Variants in FSIP2 observed in about 807,000 individuals in gnomAD.
The protein encoded by FSIP2 is fibrous sheath interacting protein 2, also known as fibrous sheath-interacting protein 2.
Under a neutral mutation model 510.5 loss-of-function variants are expected in FSIP2, and 367 were observed. That is an observed-to-expected ratio of 0.72 (90% CI 0.66 to 0.78). The LOEUF is 0.78. FSIP2 is among the 30% of genes least tolerant of loss of function. The pLI, the probability that FSIP2 is intolerant of heterozygous loss-of-function variation, is 0.00. For synonymous variants in FSIP2, 2,601 were observed against 2,732.2 expected (o/e 0.95, Z 1.50); for missense variants, 7,594 against 7,901.7 (o/e 0.96, Z 1.48).
chr2:185,754,174 T>C (rs1692199386), intron 8 of FSIP2, among the ~76,000 whole-genome samples: 1 of 151,154 alleles, frequency 6.6e-6, no homozygotes, highest in Admixed American at 6.6e-5. Context: ...TTCTATTATG[T>C]TGACAACCAG....
chr2:185,789,142 G>A lies in FSIP2; in HGVS notation c.2006G>A (p.Ser669Asn). ...KSKDATTETD[S>N]LGSSLHCDKT... is the part of the protein sequence containing the mutation. ...AAGGATGCTACCACTGAAACAGATA[G>A]CTTAGGGAGTTCATTGCATTGTGAT... is the stretch of plus-strand genomic sequence containing the variant. Residue 669 changes from serine (S) to asparagine (N), a missense_variant, in exon 16 of 23, where the codon AGC becomes AAC. By Grantham distance (46) the Ser-to-Asn change is conservative (BLOSUM62 1). Coordinates refer to ENST00000424728, the MANE Select transcript of FSIP2 (RefSeq NM_173651.4). 6.5e-7 allele frequency: 1 copy of A among 1,535,072 alleles called. No individual in the cohort carries two copies. Among genetic ancestry groups the A allele is most frequent in the Non-Finnish European group, 8.7e-7 (1 of 1,146,032 alleles).
Position 185,808,326 on chromosome 2 carries a change from T to G in FSIP2, c.19020T>G (p.Gly6340=). Residue 6340 remains glycine, a synonymous_variant, in exon 17 of 23, where the codon GGT becomes GGG. Coordinates refer to ENST00000424728, the MANE Select transcript of FSIP2 (RefSeq NM_173651.4). ...AGGAAAAGTCTTCATCCAGAAAAGG[T>G]TTGACATTAGATGCCAAACTTTTAG... ...KSKEKSSSRK[G]LTLDAKLLEE... The G allele has an allele frequency of 6.2e-7, 1 of 1,609,802 alleles. No homozygotes were observed. The highest frequency in any genetic ancestry group is 1.1e-5 in the South Asian group (1 of 90,334).
At chr2:185,788,608 G>A (rs1027217093) in intron 15 of FSIP2, 35 bp from the exon 16 acceptor site, 2 of 1,402,254 alleles carry the variant, frequency 1.4e-6, no homozygotes, top group South Asian at 1.5e-5. Flanking sequence ...GTTGTTACAT[G>A]ACTTTATTTT....
At position 185,761,024 on chromosome 2, in the gene FSIP2, G is replaced by C. The variant is rs1373588863; in HGVS notation, c.1115G>C (p.Ser372Thr). 6.6e-7 allele frequency: 1 copy of C among 1,503,888 alleles called. No homozygotes were observed. Among genetic ancestry groups the C allele is most frequent in the South Asian group, 1.2e-5 (1 of 81,416 alleles). The allele number at this position is 1,503,888 out of a possible 1,614,324, so 93.2% of individuals were successfully genotyped here. The change falls in exon 10 of 23, where the codon AGT (serine) becomes ACT (threonine). Residue 372 changes from serine (S) to threonine (T), a missense_variant. Coordinates refer to ENST00000424728, the MANE Select transcript of FSIP2 (RefSeq NM_173651.4). The stretch of plus-strand genomic sequence containing the variant: ...AATGCTGCTCATCAGCGTCAAAATA[G>C]TTCAAATAATTTTACGAAAAAAAAC... Reference protein sequence around the residue: ...TANAAHQRQNSSNNFTKKNSA... With the variant: ...TANAAHQRQNTSNNFTKKNSA...
chr2:185,816,103 A>G (rs1265835360), intron 19 of FSIP2, among the ~76,000 whole-genome samples: 1 of 152,022 alleles, frequency 6.6e-6, no homozygotes, highest in Admixed American at 6.6e-5. Flanking sequence ...AAACATCTAA[A>G]TTTGTGCTTG....
chr2:185,774,569 C>G (rs1467271461), intron 13 of FSIP2, among the ~76,000 whole-genome samples: 3 of 132,754 alleles, frequency 2.3e-5, no homozygotes, highest in Non-Finnish European at 4.8e-5. Flanking sequence ...TGACTGCAAA[C>G]CATCAAGCAG....
chr2:185,739,087 C>T (rs1691863651), intron 1 of FSIP2, 94 bp downstream of exon 1: 2 of 1,391,500 alleles, frequency 1.4e-6, no homozygotes, highest in Non-Finnish European at 1.9e-6. Context: ...TCGCGAGGCT[C>T]CCAACTGTCC....
At position 185,751,486 on chromosome 2, in the gene FSIP2, T is replaced by TGTGCGCGC. The variant is rs1553493308; in HGVS notation, c.871-2233_871-2232insCGCGCGTG. Among the ~76,000 whole-genome samples the TGTGCGCGC allele has an allele frequency of 1.4e-4, 21 of 149,684 alleles. 1 individual carries two copies. The South Asian group carries it at 2.7e-3, about 19-fold the overall frequency. ...CTGTGTGTGTGTGTGTGTGTGTGTG[T>TGTGCGCGC]GTGTGTGTGTGTGGTTACTACTCAT... On this transcript the variant is annotated intron_variant, in intron 7 of 22. Coordinates refer to ENST00000424728, the MANE Select transcript of FSIP2 (RefSeq NM_173651.4).
chr2:185,794,675 C>T lies in FSIP2; in HGVS notation c.7539C>T (p.Asn2513=), dbSNP rs116830639. Residue 2513 remains asparagine (N), a synonymous_variant, in exon 16 of 23, where the codon AAC becomes AAT. Transcript: ENST00000424728. ...GHLPPLNETA[N]FISNSKIKTS... is the part of the protein sequence containing the mutation. ...TGCCTCCACTTAATGAAACTGCCAA[C>T]TTTATATCTAATTCTAAGATTAAAA... The T allele has an allele frequency of 1.5e-3, 2,225 of 1,533,712 alleles. 21 individuals carry two copies. In the African/African-American group the frequency reaches 0.022, roughly 15 times the overall value.
Position 185,797,104 on chromosome 2 carries a change from C to G in FSIP2, c.9968C>G (p.Pro3323Arg). The G allele has an allele frequency of 1.3e-6, 2 of 1,535,096 alleles. No homozygotes were observed. The highest frequency in any genetic ancestry group is 1.7e-6 in the Non-Finnish European group (2 of 1,146,256). Residue 3323 changes from proline (P) to arginine (R), a missense_variant, in exon 16 of 23, where the codon CCT becomes CGT. Coordinates refer to ENST00000424728, the MANE Select transcript of FSIP2 (RefSeq NM_173651.4). ...AACCAAATTCAGACAACCATTTCCCCTCTCAAAATATGTTTAGCTGCAGAA... is the reference window on the plus strand; with the variant it reads ...AACCAAATTCAGACAACCATTTCCCGTCTCAAAATATGTTTAGCTGCAGAA... ...EPNQIQTTISPLKICLAAENI... is the reference protein window; with the variant it reads ...EPNQIQTTISRLKICLAAENI...
At chr2:185,762,132 T>G in intron 11 of FSIP2, 115 bp downstream of exon 11, 1 of 525,002 alleles carries the variant, frequency 1.9e-6, no homozygotes, top group South Asian at 3.1e-5. Flanking sequence ...TCTAAAAAAT[T>G]AAGGCTGATA....
In FSIP2 at chr2:185,805,964, C is replaced by T. The variant is rs1452842566; in HGVS notation, c.16658C>T (p.Pro5553Leu). 5.1e-6 allele frequency: 8 copies of T among 1,567,156 alleles called. No homozygotes were observed. The Admixed American group carries it at 8.2e-5, about 16-fold the overall frequency. ...TTVKSKDTQE[P>L]NLSETFNNNE... is the part of the protein sequence containing the mutation. The stretch of plus-strand genomic sequence containing the variant: ...GTGAAAAGTAAAGATACTCAGGAGC[C>T]AAATTTGAGTGAAACATTTAATAAT... Residue 5553 changes from proline (P) to leucine (L), a missense_variant, in exon 17 of 23, where the codon CCA (proline) becomes CTA (leucine). Physicochemically the swap from Pro to Leu is moderately conservative, Grantham distance 98. Coordinates refer to ENST00000424728, the MANE Select transcript of FSIP2 (RefSeq NM_173651.4).
chr2:185,808,470 G>A lies in FSIP2; in HGVS notation c.19164G>A (p.Leu6388=). The A allele has an allele frequency of 6.2e-7, 1 of 1,606,562 alleles. No individual in the cohort carries two copies. The highest frequency in any genetic ancestry group is 8.5e-7 in the Non-Finnish European group (1 of 1,177,410). The change falls in exon 17 of 23, where the codon TTG becomes TTA. Residue 6388 remains leucine (L), a synonymous_variant. Transcript: ENST00000424728. ...LNKIASQLSK[L]VTAEISRSSI... is the part of the protein sequence containing the mutation. ...AAATTGCATCTCAACTGTCAAAATTGGTAACAGCTGAAATTTCCAGAAGTA... is the reference window on the plus strand; with the variant it reads ...AAATTGCATCTCAACTGTCAAAATTAGTAACAGCTGAAATTTCCAGAAGTA...
At position 185,803,139 on chromosome 2, in the gene FSIP2, G is replaced by C; in HGVS notation, c.13833G>C (p.Gln4611His). 1 of 1,523,916 alleles carries C rather than the reference G, an allele frequency of 6.6e-7. No individual in the cohort carries two copies. The highest frequency in any genetic ancestry group is 1.2e-5 in the South Asian group (1 of 81,572). The allele number at this position is 1,523,916 out of a possible 1,614,324, so 94.4% of individuals were successfully genotyped here. A position where few individuals can be genotyped will look rare whatever the true frequency, so the allele number is the denominator to read the frequency against. The stretch of plus-strand genomic sequence containing the variant: ...CATATTTTGATGATGAGAGAAGGCA[G>C]TTATTTTATACCAGTGTTTACTCTT... ...SDTYFDDERR[Q>H]LFYTSVYSST... The change falls in exon 17 of 23, where the codon CAG (glutamine) becomes CAC (histidine). Residue 4611 changes from glutamine to histidine, a missense_variant. Gln to His is a conservative substitution (Grantham distance 24). Transcript: ENST00000424728.
chr2:185,768,279 A>T (rs558167312), intron 13 of FSIP2, among the ~76,000 whole-genome samples: 1 of 152,156 alleles, frequency 6.6e-6, no homozygotes, highest in South Asian at 2.1e-4. Context: ...ATGCAATCTC[A>T]TTTTTCTATT....
At position 185,806,004 on chromosome 2, in the gene FSIP2, G is replaced by T; in HGVS notation, c.16698G>T (p.Lys5566Asn). 1.3e-6 allele frequency: 2 copies of T among 1,554,254 alleles called. No individual in the cohort carries two copies. The highest frequency in any genetic ancestry group is 8.7e-7 in the Non-Finnish European group (1 of 1,153,546). ...SETFNNNEIE[K>N]KRNLIPTDKK... ...CATTTAATAATAATGAAATTGAGAA[G>T]AAAAGAAATTTAATTCCAACAGATA... is the stretch of plus-strand genomic sequence containing the variant. The change falls in exon 17 of 23, where the codon AAG (lysine) becomes AAT (asparagine). Residue 5566 changes from lysine (K) to asparagine (N), a missense_variant. Physicochemically the swap from Lys to Asn is moderately conservative, Grantham distance 94. Coordinates refer to ENST00000424728, the MANE Select transcript of FSIP2 (RefSeq NM_173651.4).
At chr2:185,828,763 T>G (rs1171959787) in intron 21 of FSIP2, among the ~76,000 whole-genome samples, 4 of 151,876 alleles carry the variant, frequency 2.6e-5, no homozygotes, top group Non-Finnish European at 1.5e-5. Flanking sequence ...AAGTTTCCAA[T>G]GAGAAATGAA....
chr2:185,792,307 A>G lies in FSIP2; in HGVS notation c.5171A>G (p.Asp1724Gly), dbSNP rs575376407. 21 of 1,530,828 alleles carry G rather than the reference A, an allele frequency of 1.4e-5. No individual in the cohort carries two copies. In the East Asian group the frequency reaches 5.1e-4, roughly 37 times the overall value. 94.8% of individuals were successfully genotyped at this position (1,530,828 alleles called of 1,614,324 possible). Residue 1724 changes from aspartate (D) to glycine (G), a missense_variant, in exon 16 of 23, where the codon GAT becomes GGT. Physicochemically the swap from Asp to Gly is moderately conservative, Grantham distance 94. Transcript: ENST00000424728. ...AGTCTTCCTGGAGGAGCTGAATCAG[A>G]TTCATTTCTAGAAGATGATGCATAT... ...YGSLPGGAESDSFLEDDAYTA... is the reference protein window; with the variant it reads ...YGSLPGGAESGSFLEDDAYTA...
rs1450950089 is a variant in FSIP2, at chr2:185,794,697, A to G, written c.7561A>G (p.Lys2521Glu). ...TANFISNSKI[K>E]TSDTTQKNSF... ...CAACTTTATATCTAATTCTAAGATT[A>G]AAACATCAGACACAACACAGAAAAA... is the stretch of plus-strand genomic sequence containing the variant. The change falls in exon 16 of 23, where the codon AAA becomes GAA. Residue 2521 changes from lysine to glutamate, a missense_variant. Transcript: ENST00000424728. 1 of 1,533,862 alleles carries G rather than the reference A, an allele frequency of 6.5e-7. No individual in the cohort carries two copies. The highest frequency in any genetic ancestry group is 8.7e-7 in the Non-Finnish European group (1 of 1,145,474).
Sources: gnomAD v4.1 joint callset for allele counts (sites outside exome capture counted in the v4.1 genomes callset) on GRCh38, gnomAD v4.1.1 for gene constraint, MANE v1.5 for transcripts, NCBI Gene and HGNC (gene_info 2026-07-23, HGNC 2026-07-21) for gene names.